The following GPC3 variants were observed in gnomAD, a reference collection of about 807,000 sequenced individuals.
The protein encoded by GPC3 is glypican 3, also known as glypican-3.
Under a neutral mutation model 34.4 loss-of-function variants are expected in GPC3, and 3 were observed. That is an observed-to-expected ratio of 0.09 (90% CI 0.04 to 0.23). The LOEUF (loss-of-function observed/expected upper bound fraction) is 0.23, where lower values mean the gene tolerates loss of function less well. Ranked by LOEUF, GPC3 falls within the 10% of genes least tolerant of loss-of-function variation. GPC3 has a pLI of 1.00. For synonymous variants in GPC3, 177 were observed against 174.0 expected, an observed-to-expected ratio of 1.02 and a Z score of -0.13; for missense variants, 351 against 445.6, an observed-to-expected ratio of 0.79 and a Z score of 1.91.
intron 2 of GPC3, among the ~76,000 whole-genome samples, chrX:133,802,493 CA>C (rs1436558868): frequency 8.9e-6 from 1 of 111,936 alleles, no homozygotes; most frequent in Non-Finnish European, 1.9e-5. Context: ...TAATGATGAT[CA>C]CCTGCCTGCA....
chrX:133,802,229 T>C lies in GPC3; in HGVS notation c.338-48053A>G, dbSNP rs1413414181. 4.5e-5 allele frequency among the ~76,000 whole-genome samples: 5 copies of C among 111,662 alleles called. No homozygotes were observed. In the South Asian group the frequency reaches 1.1e-3, roughly 25 times the overall value. On this transcript the variant is annotated intron_variant, in intron 2 of 7. Transcript: ENST00000370818. ...TACATAAAATGAGCACAGTATTAAA[T>C]GCAAAAGCCCTCTATCATGAGAGAA...
intron 2 of GPC3, among the ~76,000 whole-genome samples, chrX:133,874,169 C>A: frequency 1.8e-5 from 2 of 112,063 alleles, no homozygotes; most frequent in Non-Finnish European, 3.8e-5. Flanking sequence ...TTCTCCCATT[C>A]CGTGTTCTTT....
chrX:133,817,566 C>T (rs1157226611), intron 2 of GPC3, among the ~76,000 whole-genome samples: 1 of 110,435 alleles, frequency 9.1e-6, no homozygotes, highest in African/African-American at 3.3e-5. Context: ...TTTAAGAATG[C>T]AAGGATAAGT....
intron 2 of GPC3, among the ~76,000 whole-genome samples, chrX:133,776,888 T>TTC (rs1472706360): frequency 3.1e-5 from 3 of 96,119 alleles, no homozygotes; most frequent in Non-Finnish European, 6.3e-5. Flanking sequence ...CTTTTTTTTT[T>TTC]TTTTTTTTTG....
At chrX:133,628,313 C>T (rs2070328506) in intron 6 of GPC3, among the ~76,000 whole-genome samples, 1 of 112,320 alleles carries the variant, frequency 8.9e-6, no homozygotes, top group South Asian at 3.7e-4. Context: ...TACTAGTTGA[C>T]ATCAGAATTG....
intron 5 of GPC3, chrX:133,671,055 G>A (rs879037420): frequency 3.9e-5 from 22 of 563,861 alleles, no homozygotes; most frequent in Non-Finnish European, 5.7e-5. Flanking sequence ...TGATGTCCTT[G>A]ACCCCAGGAA....
intron 2 of GPC3, among the ~76,000 whole-genome samples, chrX:133,759,375 A>G (rs778784449): frequency 1.8e-5 from 2 of 112,085 alleles, no homozygotes; most frequent in East Asian, 5.6e-4. Flanking sequence ...ATCAAGGTAC[A>G]GTAATAAAGA....
intron 2 of GPC3, among the ~76,000 whole-genome samples, chrX:133,885,789 T>C (rs372313544): frequency 1.8e-5 from 2 of 112,083 alleles, no homozygotes; most frequent in Admixed American, 9.5e-5. Flanking sequence ...GTTGTATTTG[T>C]GCATTTTGTT....
chrX:133,968,306 G>A (rs1463632978), intron 1 of GPC3, among the ~76,000 whole-genome samples: 1 of 112,175 alleles, frequency 8.9e-6, no homozygotes, highest in Non-Finnish European at 1.9e-5. Flanking sequence ...AGCAGGGAGA[G>A]GGGAGTATTT....
chrX:133,953,145 T>C lies in GPC3; in HGVS notation c.242A>G (p.Tyr81Cys), dbSNP rs2076400659. 1 of 1,204,584 alleles carries C rather than the reference T, an allele frequency of 8.3e-7. No homozygotes were observed. The highest frequency in any genetic ancestry group is 1.1e-6 in the Non-Finnish European group (1 of 890,808). ...TCCSRKMEEK[Y>C]QLTARLNMEQ... ...CATGTTCAATCGTGCTGTTAGTTGG[T>C]ATTTTTCTTCCATCTTTCTTGAGCA... Residue 81 changes from tyrosine to cysteine, a missense_variant, in exon 2 of 8, where the codon TAC (tyrosine) becomes TGC (cysteine). Tyr to Cys is a radical substitution (Grantham distance 194, BLOSUM62 -2). Coordinates refer to ENST00000370818, the MANE Select transcript of GPC3 (RefSeq NM_004484.4).
At chrX:133,831,415 A>G (rs747579709) in intron 2 of GPC3, among the ~76,000 whole-genome samples, 1 of 112,034 alleles carries the variant, frequency 8.9e-6, no homozygotes, top group East Asian at 2.8e-4. Context: ...AGACTATTTC[A>G]AAATAAAAAC....
At position 133,816,101 on chromosome X, in the gene GPC3, AG is replaced by A. The variant is rs553759416; in HGVS notation, c.338-61926del. The stretch of plus-strand genomic sequence containing the variant: ...GATCTCCTTCTGTCACCCAGGCTGC[AG>A]GGCATTGGTACAATCATAGCTCACT... On this transcript the variant is annotated intron_variant, in intron 2 of 7. Coordinates refer to ENST00000370818, the MANE Select transcript of GPC3 (RefSeq NM_004484.4). Among the ~76,000 whole-genome samples, 298 of 110,530 alleles carry A rather than the reference AG, an allele frequency of 2.7e-3. 1 individual carries two copies. Among genetic ancestry groups the A allele is most frequent in the Non-Finnish European group, 4.5e-3 (240 of 52,841 alleles).
chrX:133,985,190 C>G, intron 1 of GPC3, 85 bp downstream of exon 1: 2 of 1,041,733 alleles, frequency 1.9e-6, no homozygotes, highest in African/African-American at 1.8e-5. Flanking sequence ...TACAGCCCGG[C>G]GGGGCTAGCG....
chrX:133,878,047 C>T (rs2076024447), intron 2 of GPC3, among the ~76,000 whole-genome samples: 1 of 111,857 alleles, frequency 8.9e-6, no homozygotes, highest in Admixed American at 9.5e-5. Flanking sequence ...TTTTAACTTA[C>T]TTTTTTTCTC....
At chrX:133,864,451 T>C (rs1408839462) in intron 2 of GPC3, among the ~76,000 whole-genome samples, 1 of 111,505 alleles carries the variant, frequency 9.0e-6, no homozygotes, top group African/African-American at 3.3e-5. Context: ...CCAAATTGGT[T>C]CTCCAGCTGT....
chrX:133,858,184 C>T (rs1354586887), intron 2 of GPC3, among the ~76,000 whole-genome samples: 1 of 112,113 alleles, frequency 8.9e-6, no homozygotes, highest in Non-Finnish European at 1.9e-5. Flanking sequence ...ATATTCCCTA[C>T]ACTTACATCA....
intron 2 of GPC3, among the ~76,000 whole-genome samples, chrX:133,947,582 G>T (rs916164077): frequency 2.7e-5 from 3 of 111,866 alleles, no homozygotes; most frequent in Non-Finnish European, 5.6e-5. Flanking sequence ...AACTGAAATG[G>T]CTTTAAACAC....
At chrX:133,582,814 G>C (rs145230282) in intron 7 of GPC3, among the ~76,000 whole-genome samples, 1,505 of 111,250 alleles carry the variant, frequency 0.014, 38 homozygotes, top group African/African-American at 0.047. Context: ...GAGTGGTGCA[G>C]GGGATGAGTG....
intron 6 of GPC3, among the ~76,000 whole-genome samples, chrX:133,654,721 A>C (rs999085864): frequency 4.5e-5 from 5 of 111,255 alleles, no homozygotes; most frequent in South Asian, 3.8e-4. Flanking sequence ...CAAAAAACAA[A>C]AAACAAAAAA....
Sources: gnomAD v4.1 joint callset for allele counts (sites outside exome capture counted in the v4.1 genomes callset) on GRCh38, gnomAD v4.1.1 for gene constraint, MANE v1.5 for transcripts, NCBI Gene and HGNC (gene_info 2026-07-23, HGNC 2026-07-21) for gene names.